CNIH3: variants seen among roughly 807,000 people sequenced by gnomAD.
CNIH3 encodes the protein cornichon family AMPA receptor auxiliary protein 3, also known as protein cornichon homolog 3.
CNIH3 carries 14 observed loss-of-function variants against 24.1 expected under a neutral mutation model. That is an observed-to-expected ratio of 0.58 (90% CI 0.38 to 0.91). CNIH3 has a LOEUF of 0.91. Ranked by LOEUF, CNIH3 falls within the 40% of genes least tolerant of loss-of-function variation. The pLI is 0.00. For missense variants in CNIH3, 178 were observed against 196.8 expected (o/e 0.90, Z 0.57); for synonymous variants, 68 against 73.8 (o/e 0.92, Z 0.40).
intron 1 of CNIH3, among the ~76,000 whole-genome samples, chr1:224,486,593 A>C (rs1486327221): frequency 1.3e-5 from 2 of 152,214 alleles, no homozygotes; most frequent in African/African-American, 4.8e-5. Context: ...ATACGTATAC[A>C]TACCTAGAAT....
intron 1 of CNIH3, among the ~76,000 whole-genome samples, chr1:224,646,488 C>T (rs1021462475): frequency 1.3e-5 from 2 of 152,204 alleles, no homozygotes; most frequent in Admixed American, 1.3e-4. Context: ...TCACTGCAGC[C>T]TTGACCTCCT....
At chr1:224,722,878 C>A (rs1408027685) in intron 3 of CNIH3, among the ~76,000 whole-genome samples, 2 of 152,182 alleles carry the variant, frequency 1.3e-5, no homozygotes, top group African/African-American at 4.8e-5. Flanking sequence ...AAGCTGAGAC[C>A]TGTGAATTCC....
At chr1:224,522,552 A>G (rs1678680485) in intron 2 of CNIH3, among the ~76,000 whole-genome samples, 1 of 152,252 alleles carries the variant, frequency 6.6e-6, no homozygotes, top group African/African-American at 2.4e-5. Context: ...AAACAACTCC[A>G]GCAAATAAAT....
intron 3 of CNIH3, among the ~76,000 whole-genome samples, chr1:224,606,272 C>T (rs530635091): frequency 2.8e-4 from 43 of 152,248 alleles, no homozygotes; most frequent in African/African-American, 1.0e-3. Context: ...CTCTTGGTAC[C>T]TGAGTTCTTG....
chr1:224,616,517 G>A lies in CNIH3; in HGVS notation c.-658G>A, dbSNP rs555029564. On this transcript the variant is annotated 5_prime_UTR_variant, in exon 1 of 6. Transcript: ENST00000272133. ...GCCGGCTGGCCGGAGTCACGGTTGG[G>A]GACGGGCGCGCCTCGGAGCGCACGG... is the stretch of plus-strand genomic sequence containing the variant. 2 of 987,622 alleles carry A rather than the reference G, an allele frequency of 2.0e-6. No homozygotes were observed. Among genetic ancestry groups the A allele is most frequent in the South Asian group, 9.1e-5 (2 of 21,960 alleles). 61.2% of individuals were successfully genotyped at this position (987,622 alleles called of 1,614,324 possible).
chr1:224,708,746 A>C (rs78666821), intron 3 of CNIH3, among the ~76,000 whole-genome samples: 2,354 of 152,138 alleles, frequency 0.015, 23 homozygotes, highest in South Asian at 0.028. Flanking sequence ...GTGCACACGC[A>C]TGTCTCTCCT....
chr1:224,569,512 C>T lies in CNIH3; in HGVS notation n.516+3248C>T, dbSNP rs59013755. On this transcript the variant is annotated intron_variant and non_coding_transcript_variant, in intron 4 of 5. Transcript: ENST00000471578. ...TCATTCTTGTATGAGTCCCTTTGTG[C>T]ACACGTACAGGAGCTCTAGGGTATA... Among the ~76,000 whole-genome samples, 1,163 of 152,256 alleles carry T rather than the reference C, an allele frequency of 7.6e-3. 17 individuals are homozygous for T. Among genetic ancestry groups the T allele is most frequent in the African/African-American group, 0.027 (1,108 of 41,536 alleles).
At chr1:224,693,639 G>A (rs1018391984) in intron 3 of CNIH3, among the ~76,000 whole-genome samples, 2 of 152,190 alleles carry the variant, frequency 1.3e-5, no homozygotes, top group Admixed American at 6.5e-5. Flanking sequence ...GTGGAAATGC[G>A]CAAGCACCTT....
downstream of CNIH3, among the ~76,000 whole-genome samples, chr1:224,540,642 C>T (rs1679478127): frequency 6.6e-6 from 1 of 152,056 alleles, no homozygotes. Flanking sequence ...GCAGCCAAAC[C>T]CCTACCTCCA....
intron 1 of CNIH3, among the ~76,000 whole-genome samples, chr1:224,457,810 T>G (rs1675743859): frequency 6.6e-6 from 1 of 152,246 alleles, no homozygotes; most frequent in Admixed American, 6.5e-5. Flanking sequence ...ATAATATGCA[T>G]TTTATAAATT....
chr1:224,615,303 T>G (rs1682903481), upstream of CNIH3: 1 of 152,160 alleles, frequency 6.6e-6, no homozygotes, highest in African/African-American at 2.4e-5. Flanking sequence ...GTATTTTTCC[T>G]TGCTTTCTGG....
intron 1 of CNIH3, among the ~76,000 whole-genome samples, chr1:224,660,372 A>T (rs1278968440): frequency 6.6e-6 from 1 of 152,176 alleles, no homozygotes; most frequent in Admixed American, 6.5e-5. Flanking sequence ...CTCCCACAAC[A>T]CATGGGAATT....
intron 5 of CNIH3, among the ~76,000 whole-genome samples, chr1:224,588,061 AC>A (rs1166394390): frequency 6.6e-6 from 1 of 151,832 alleles, no homozygotes. Context: ...CTAAATGTCA[AC>A]TCCCATCTCA....
intron 3 of CNIH3, among the ~76,000 whole-genome samples, chr1:224,564,594 A>C (rs996861126): frequency 6.6e-6 from 1 of 152,236 alleles, no homozygotes; most frequent in African/African-American, 2.4e-5. Context: ...CAATGCATCC[A>C]TGTGACCAGA....
chr1:224,527,185 A>C (rs1484445394), intron 2 of CNIH3, among the ~76,000 whole-genome samples: 1 of 152,178 alleles, frequency 6.6e-6, no homozygotes, highest in East Asian at 1.9e-4. Context: ...TTGGGGGGAC[A>C]TGAAGATGAA....
At chr1:224,469,048 A>G (rs1676262518) in intron 1 of CNIH3, among the ~76,000 whole-genome samples, 1 of 150,160 alleles carries the variant, frequency 6.7e-6, no homozygotes, top group Non-Finnish European at 1.5e-5. Context: ...TGCTTTTTCT[A>G]TATCAATATG....
intron 4 of CNIH3, among the ~76,000 whole-genome samples, chr1:224,567,993 T>C (rs949817092): frequency 5.3e-5 from 8 of 152,104 alleles, no homozygotes; most frequent in African/African-American, 1.9e-4. Context: ...AAATTTGTTT[T>C]AAAATATTTA....
intron 1 of CNIH3, among the ~76,000 whole-genome samples, chr1:224,680,219 G>A (rs541281738): frequency 1.3e-5 from 2 of 152,342 alleles, no homozygotes; most frequent in South Asian, 2.1e-4. Context: ...TAGCAGACAA[G>A]GTAGCTGTGG....
At chr1:224,437,531 A>G (rs913681791) in intron 1 of CNIH3, among the ~76,000 whole-genome samples, 1 of 152,216 alleles carries the variant, frequency 6.6e-6, no homozygotes, top group African/African-American at 2.4e-5. Context: ...ACTAATGTAT[A>G]AATTCCTTGA....
Sources: allele counts gnomAD v4.1 joint callset (sites outside exome capture counted in the v4.1 genomes callset), GRCh38; gene constraint gnomAD v4.1.1; transcripts MANE v1.5; gene names NCBI Gene and HGNC (gene_info 2026-07-23, HGNC 2026-07-21).